PDGFD: variants seen among roughly 807,000 people sequenced by gnomAD.
PDGFD encodes the protein platelet derived growth factor D.
PDGFD carries 30 observed loss-of-function variants against 44.7 expected under a neutral mutation model. The observed-to-expected ratio is 0.67, with a 90% confidence interval of 0.50 to 0.91. The LOEUF is 0.91. PDGFD is among the 40% of genes least tolerant of loss of function. The pLI is 0.00. For synonymous variants in PDGFD, 173 were observed against 168.4 expected, an observed-to-expected ratio of 1.03 and a Z score of -0.21; for missense variants, 445 against 457.8, an observed-to-expected ratio of 0.97 and a Z score of 0.25.
intron 5 of PDGFD, among the ~76,000 whole-genome samples, chr11:103,941,806 A>T (rs1858588465): frequency 6.6e-6 from 1 of 152,144 alleles, no homozygotes; most frequent in Non-Finnish European, 1.5e-5. Flanking sequence ...CTGAAGACAG[A>T]GTCAGCTTTT....
intron 1 of PDGFD, among the ~76,000 whole-genome samples, chr11:104,152,294 T>A (rs1862258696): frequency 2.0e-5 from 3 of 152,204 alleles, no homozygotes; most frequent in African/African-American, 7.2e-5. Context: ...TAACAAATGT[T>A]TACAAATCCT....
chr11:104,083,104 A>G (rs774610937), intron 1 of PDGFD, among the ~76,000 whole-genome samples: 1 of 152,208 alleles, frequency 6.6e-6, no homozygotes, highest in Non-Finnish European at 1.5e-5. Context: ...CATTGGTTTC[A>G]TAACACATTG....
At chr11:104,099,677 A>C (rs1276915744) in intron 1 of PDGFD, among the ~76,000 whole-genome samples, 1 of 147,640 alleles carries the variant, frequency 6.8e-6, no homozygotes, top group Non-Finnish European at 1.5e-5. Context: ...AATAATAATA[A>C]ATCAAACCAA....
At chr11:104,142,437 G>A (rs1440947793) in intron 1 of PDGFD, among the ~76,000 whole-genome samples, 1 of 151,992 alleles carries the variant, frequency 6.6e-6, no homozygotes, top group Non-Finnish European at 1.5e-5. Flanking sequence ...GTACAGGAAT[G>A]TGTGTGTGTA....
intron 1 of PDGFD, among the ~76,000 whole-genome samples, chr11:104,006,602 CCAT>C (rs1859704991): frequency 6.6e-6 from 1 of 152,018 alleles, no homozygotes; most frequent in South Asian, 2.1e-4. Context: ...TATCCTGTAC[CCAT>C]AATAACTCCA....
At chr11:104,003,978 T>C (rs1023278959) in intron 1 of PDGFD, among the ~76,000 whole-genome samples, 1 of 152,152 alleles carries the variant, frequency 6.6e-6, no homozygotes, top group African/African-American at 2.4e-5. Context: ...TAAAGTCACA[T>C]GCAAAACAAG....
At chr11:104,118,889 T>TA (rs1861690017) in intron 1 of PDGFD, among the ~76,000 whole-genome samples, 1 of 92,290 alleles carries the variant, frequency 1.1e-5, no homozygotes, top group Non-Finnish European at 1.9e-5. Flanking sequence ...ATATATATTA[T>TA]TATGTATAAT....
At chr11:103,941,143 A>G (rs1306336494) in intron 5 of PDGFD, among the ~76,000 whole-genome samples, 6 of 152,072 alleles carry the variant, frequency 3.9e-5, no homozygotes, top group Non-Finnish European at 8.8e-5. Flanking sequence ...TCTCCTAGGA[A>G]CCATAAATAA....
chr11:104,149,934 T>C (rs1320298061), intron 1 of PDGFD, among the ~76,000 whole-genome samples: 1 of 152,118 alleles, frequency 6.6e-6, no homozygotes, highest in African/African-American at 2.4e-5. Flanking sequence ...TCTGTTCCCA[T>C]CACTTAATAT....
At chr11:103,955,172 A>AC (rs1858821670) in intron 3 of PDGFD, among the ~76,000 whole-genome samples, 1 of 7,824 alleles carries the variant, frequency 1.3e-4, no homozygotes, top group Non-Finnish European at 2.3e-4. Flanking sequence ...TCAAAAAAAA[A>AC]AAAAAAAAAA....
intron 6 of PDGFD, among the ~76,000 whole-genome samples, chr11:103,913,267 C>G (rs1344422413): frequency 6.6e-6 from 1 of 152,162 alleles, no homozygotes; most frequent in African/African-American, 2.4e-5. Context: ...CACTCCTCAG[C>G]AAATGCAAAA....
chr11:104,115,956 A>G (rs1211622519), intron 1 of PDGFD, among the ~76,000 whole-genome samples: 4 of 151,982 alleles, frequency 2.6e-5, no homozygotes. Flanking sequence ...TCAGATGTAT[A>G]GATTGTGAAG....
chr11:103,909,857 G>A (rs201498688), intron 6 of PDGFD, 38 bp from the exon 7 acceptor site: 1 of 1,613,234 alleles, frequency 6.2e-7, no homozygotes, highest in East Asian at 2.2e-5. Flanking sequence ...GAAAGCCTTT[G>A]GAGTTCAACT....
intron 3 of PDGFD, among the ~76,000 whole-genome samples, chr11:103,982,328 G>A (rs1314676702): frequency 6.6e-6 from 1 of 151,792 alleles, no homozygotes; most frequent in Non-Finnish European, 1.5e-5. Context: ...AATGCTTGTT[G>A]GTTCAGCCCA....
At chr11:104,006,444 T>C (rs1018403398) in intron 1 of PDGFD, among the ~76,000 whole-genome samples, 5 of 152,240 alleles carry the variant, frequency 3.3e-5, no homozygotes, top group African/African-American at 9.6e-5. Context: ...CCTGTTGATA[T>C]GGACAGGAGT....
chr11:104,006,649 C>T (rs140731606), intron 1 of PDGFD, among the ~76,000 whole-genome samples: 171 of 152,168 alleles, frequency 1.1e-3, no homozygotes, highest in African/African-American at 3.7e-3. Context: ...GAGGAGGAGA[C>T]GAACAGAAGT....
intron 3 of PDGFD, among the ~76,000 whole-genome samples, chr11:103,952,660 T>C (rs11226088): frequency 0.29 from 43,535 of 152,070 alleles, 7,328 homozygotes; most frequent in South Asian, 0.39. Context: ...TTAGCTATTG[T>C]GCATCTCTTA....
intron 6 of PDGFD, among the ~76,000 whole-genome samples, chr11:103,919,395 A>G (rs547304421): frequency 6.6e-6 from 1 of 152,306 alleles, no homozygotes; most frequent in African/African-American, 2.4e-5. Flanking sequence ...AAGGCTGTTA[A>G]GGCCTTGTAA....
intron 1 of PDGFD, among the ~76,000 whole-genome samples, chr11:104,133,969 A>C (rs1037578679): frequency 2.0e-5 from 3 of 152,208 alleles, no homozygotes; most frequent in African/African-American, 7.2e-5. Context: ...ATATGGACCC[A>C]TGTCAAGACA....
Sources: allele counts gnomAD v4.1 joint callset (sites outside exome capture counted in the v4.1 genomes callset), GRCh38; gene constraint gnomAD v4.1.1; transcripts MANE v1.5; gene names NCBI Gene and HGNC (gene_info 2026-07-23, HGNC 2026-07-21).